The following ELOA variants were observed in gnomAD, a reference collection of about 807,000 sequenced individuals.
ELOA encodes elongin A.
Under a neutral mutation model 85.2 loss-of-function variants are expected in ELOA, and 15 were observed. The ratio of observed to expected loss-of-function variants is 0.18; its 90% CI spans 0.12 to 0.27. ELOA has a LOEUF of 0.27. ELOA is among the 10% of genes least tolerant of loss of function. The pLI, the probability that ELOA is intolerant of heterozygous loss-of-function variation, is 1.00. For synonymous variants in ELOA, 348 were observed against 357.2 expected (o/e 0.97, Z 0.29); for missense variants, 769 against 952.7 (o/e 0.81, Z 2.54).
chr1:23,748,652 T>C (rs760631904), intron 1 of ELOA, among the ~76,000 whole-genome samples: 1 of 152,212 alleles, frequency 6.6e-6, no homozygotes. Context: ...CCCCTAAAAT[T>C]GGTACCTTTC....
intron 3 of ELOA, among the ~76,000 whole-genome samples, chr1:23,750,470 G>A (rs1450795529): frequency 3.3e-5 from 5 of 152,096 alleles, no homozygotes; most frequent in Non-Finnish European, 5.9e-5. Context: ...GTGAGCCACC[G>A]CGGCTGGCCT....
At chr1:23,757,258 A>AC in intron 10 of ELOA, 133 bp downstream of exon 10, 1 of 970,136 alleles carries the variant, frequency 1.0e-6, no homozygotes, top group Non-Finnish European at 1.5e-6. Context: ...AGCTGGTCTG[A>AC]ATGTCAGTCC....
At chr1:23,750,325 G>A (rs1343007257) in intron 3 of ELOA, among the ~76,000 whole-genome samples, 3 of 151,770 alleles carry the variant, frequency 2.0e-5, no homozygotes, top group African/African-American at 7.3e-5. Flanking sequence ...ACAGGCACCC[G>A]CCACCACGCC....
In ELOA at chr1:23,751,479, A is replaced by G. The variant is rs142230782; in HGVS notation, c.874A>G (p.Lys292Glu). The change falls in exon 4 of 11, where the codon AAA (lysine) becomes GAA (glutamate). Residue 292 changes from lysine to glutamate, a missense_variant. Lys to Glu is a moderately conservative substitution (Grantham distance 56). Coordinates refer to ENST00000613537, the MANE Select transcript of ELOA (RefSeq NM_003198.3). ...RPPSGDNARE[K>E]PPSSGVKKEK... ...ACCCTCAGGGGACAATGCAAGGGAG[A>G]AACCGCCCTCTAGTGGCGTAAAGAA... 3.1e-5 allele frequency: 50 copies of G among 1,613,988 alleles called. No individual in the cohort carries two copies. The highest frequency in any genetic ancestry group is 4.1e-5 in the Non-Finnish European group (48 of 1,180,044).
chr1:23,751,270 T>G lies in ELOA; in HGVS notation c.665T>G (p.Leu222Arg), dbSNP rs745969466. The G allele has an allele frequency of 6.2e-7, 1 of 1,613,986 alleles. No individual in the cohort carries two copies. The highest frequency in any genetic ancestry group is 8.5e-7 in the Non-Finnish European group (1 of 1,180,032). The change falls in exon 4 of 11, where the codon CTC (leucine) becomes CGC (arginine). Residue 222 changes from leucine to arginine, a missense_variant. Coordinates refer to ENST00000613537, the MANE Select transcript of ELOA (RefSeq NM_003198.3). ...CACAGCAATGCCTTTCAGGACAGAC[T>G]CGGGGCCAGCCAAGAACGACACCTG... ...KGHSNAFQDR[L>R]GASQERHLGE...
At chr1:23,759,266 G>A (rs999670431) in intron 10 of ELOA, among the ~76,000 whole-genome samples, 5 of 152,252 alleles carry the variant, frequency 3.3e-5, no homozygotes, top group Admixed American at 6.5e-5. Flanking sequence ...AAGTTGGCCA[G>A]GCTCTCTGAG....
At chr1:23,748,302 A>G (rs781492859) in intron 1 of ELOA, among the ~76,000 whole-genome samples, 3 of 150,740 alleles carry the variant, frequency 2.0e-5, no homozygotes, top group African/African-American at 7.5e-5. Flanking sequence ...GACTTATTCA[A>G]GATCACTCAT....
chr1:23,751,815 A>T lies in ELOA; in HGVS notation c.1210A>T (p.Thr404Ser). 1 of 1,614,226 alleles carries T rather than the reference A, an allele frequency of 6.2e-7. No homozygotes were observed. Among genetic ancestry groups the T allele is most frequent in the Non-Finnish European group, 8.5e-7 (1 of 1,180,046 alleles). ...TDMEDEFEQP[T>S]MSFESYLSYD... is the part of the protein sequence containing the mutation. ...TATGGAGGATGAATTCGAGCAGCCA[A>T]CCATGTCTTTTGAATCCTACCTCAG... Residue 404 changes from threonine (T) to serine (S), a missense_variant, in exon 4 of 11, where the codon ACC becomes TCC. This residue lies in a region of ELOA where 193 missense variants were observed against 278.9 expected (regional missense o/e 0.69). Transcript: ENST00000613537.
At position 23,760,969 on chromosome 1, in the gene ELOA, C is replaced by A. The variant is rs1638284151; in HGVS notation, c.*1396C>A. The stretch of plus-strand genomic sequence containing the variant: ...AGATATGCGTCCTTAAGGAACCTGA[C>A]AAGCAGACTGAAGGGATGGTAAGTG... On this transcript the variant is annotated 3_prime_UTR_variant, in exon 11 of 11. Coordinates refer to ENST00000613537, the MANE Select transcript of ELOA (RefSeq NM_003198.3). The A allele has an allele frequency of 1.3e-5, 2 of 152,096 alleles. No homozygotes were observed. Among genetic ancestry groups the A allele is most frequent in the Admixed American group, 1.3e-4 (2 of 15,260 alleles). The allele number at this position is 152,096 out of a possible 1,614,324, so 9.4% of individuals were successfully genotyped here.
At chr1:23,758,246 A>C (rs1322084124) in intron 10 of ELOA, among the ~76,000 whole-genome samples, 1 of 67,088 alleles carries the variant, frequency 1.5e-5, no homozygotes, top group Non-Finnish European at 2.7e-5. Context: ...TGGGTCTTCC[A>C]ATTTATTTAT....
At chr1:23,756,864 G>T in intron 9 of ELOA, 89 bp from the exon 10 acceptor site, 1 of 1,334,190 alleles carries the variant, frequency 7.5e-7, no homozygotes, top group Non-Finnish European at 9.9e-7. Flanking sequence ...AACAGGGTGA[G>T]TCATCCTCAC....
chr1:23,753,748 G>A (rs1466988850), intron 5 of ELOA, among the ~76,000 whole-genome samples: 1 of 152,174 alleles, frequency 6.6e-6, no homozygotes, highest in African/African-American at 2.4e-5. Flanking sequence ...TGTTGTTGCT[G>A]TTGAGAGTCT....
intron 10 of ELOA, among the ~76,000 whole-genome samples, chr1:23,758,878 A>C (rs550171917): frequency 2.0e-5 from 3 of 152,110 alleles, no homozygotes; most frequent in African/African-American, 7.2e-5. Flanking sequence ...TTGTGAGGCA[A>C]AGTTAAGTTA....
At chr1:23,752,561 A>G in intron 5 of ELOA, 43 bp downstream of exon 5, 1 of 1,568,920 alleles carries the variant, frequency 6.4e-7, no homozygotes, top group South Asian at 1.2e-5. Context: ...AAAAAGATTT[A>G]AAAATTCATT....
intron 1 of ELOA, 142 bp downstream of exon 1, chr1:23,743,720 A>AT: frequency 9.4e-7 from 1 of 1,060,858 alleles, no homozygotes; most frequent in Non-Finnish European, 1.2e-6. Flanking sequence ...GTTCGCGGCC[A>AT]TTGACCGCTG....
At chr1:23,750,602 C>A (rs1033819518) in intron 3 of ELOA, among the ~76,000 whole-genome samples, 1 of 152,120 alleles carries the variant, frequency 6.6e-6, no homozygotes, top group African/African-American at 2.4e-5. Context: ...AATAAATCTC[C>A]ACATTTTCAT....
intron 10 of ELOA, among the ~76,000 whole-genome samples, chr1:23,758,259 A>ATTTTTTTTTTTTTTTTTTTTTTT (rs1162019928): frequency 7.2e-5 from 3 of 41,954 alleles, no homozygotes; most frequent in East Asian, 7.2e-4. Flanking sequence ...TTATTTATTT[A>ATTTTTTTTTTTTTTTTTTTTTTT]TTTTTTTTTT....
intron 7 of ELOA, among the ~76,000 whole-genome samples, chr1:23,755,556 C>G (rs1230728283): frequency 6.6e-6 from 1 of 151,864 alleles, no homozygotes; most frequent in Admixed American, 6.6e-5. Context: ...CCAAGGTGGG[C>G]GGATTATCTG....
In ELOA at chr1:23,743,612, G is replaced by T; in HGVS notation, c.75+34G>T. 5 of 1,462,910 alleles carry T rather than the reference G, an allele frequency of 3.4e-6. No homozygotes were observed. The South Asian group carries it at 3.9e-5, about 12-fold the overall frequency. The allele number at this position is 1,462,910 out of a possible 1,614,324, so 90.6% of individuals were successfully genotyped here. On this transcript the variant is annotated intron_variant, in intron 1 of 10. Transcript: ENST00000613537. Reference sequence around the variant, plus strand: ...GGGGGCGGCGCGTAGCGGGATGGGCGTTGGGTCGGTGAGGGCCCCGTAACG... The same window carrying T: ...GGGGGCGGCGCGTAGCGGGATGGGCTTTGGGTCGGTGAGGGCCCCGTAACG...
Sources: allele counts gnomAD v4.1 joint callset (sites outside exome capture counted in the v4.1 genomes callset), GRCh38; gene constraint gnomAD v4.1.1; regional missense constraint gnomAD v4.1.1; transcripts MANE v1.5; gene names NCBI Gene and HGNC (gene_info 2026-07-23, HGNC 2026-07-21).